Variants in DPF3 observed in about 807,000 individuals in gnomAD.
DPF3 encodes zinc finger protein DPF3.
In DPF3, 18 loss-of-function variants were observed where a neutral mutation model predicts 56.8. The observed-to-expected ratio is 0.32, with a 90% CI of 0.22 to 0.47. The LOEUF (loss-of-function observed/expected upper bound fraction) is 0.47, where lower values mean the gene tolerates loss of function less well. Among genes scored for constraint, DPF3 ranks in the 20% least tolerant of loss-of-function variants. The pLI, the probability that DPF3 is intolerant of heterozygous loss-of-function variation, is 1.00. For missense variants in DPF3, 403 were observed against 488.8 expected (o/e 0.82, Z 1.65); for synonymous variants, 188 against 180.2 (o/e 1.04, Z -0.35).
intron 1 of DPF3, among the ~76,000 whole-genome samples, chr14:72,773,527 G>A (rs941852019): frequency 2.6e-5 from 4 of 152,138 alleles, no homozygotes; most frequent in Non-Finnish European, 5.9e-5. Flanking sequence ...TTAAGCACAT[G>A]CATACTGTTG....
At chr14:72,666,258 C>T (rs1415000987) in intron 8 of DPF3, among the ~76,000 whole-genome samples, 2 of 152,186 alleles carry the variant, frequency 1.3e-5, no homozygotes, top group African/African-American at 4.8e-5. Context: ...AACTTTAGTT[C>T]TCCCAGAAAG....
chr14:72,722,328 T>C (rs1266864549), intron 5 of DPF3, among the ~76,000 whole-genome samples: 2 of 152,186 alleles, frequency 1.3e-5, no homozygotes, highest in African/African-American at 2.4e-5. Flanking sequence ...GCCCAGCCCC[T>C]GCACAGGCTG....
intron 1 of DPF3, among the ~76,000 whole-genome samples, chr14:72,811,928 A>G (rs1883063576): frequency 6.6e-6 from 1 of 152,060 alleles, no homozygotes; most frequent in Admixed American, 6.5e-5. Context: ...AGGGAGCTGC[A>G]GTAAAGTCTT....
chr14:72,655,700 G>C (rs1336422895), intron 8 of DPF3, among the ~76,000 whole-genome samples: 3 of 152,220 alleles, frequency 2.0e-5, no homozygotes, highest in Non-Finnish European at 4.4e-5. Flanking sequence ...AAAGGCTTGA[G>C]ACATTGCTTC....
chr14:72,643,253 T>A (rs1885613106), intron 8 of DPF3, among the ~76,000 whole-genome samples: 1 of 152,220 alleles, frequency 6.6e-6, no homozygotes, highest in Admixed American at 6.5e-5. Flanking sequence ...CAGGGCATGA[T>A]GAAATATGTC....
At chr14:72,692,240 T>A (rs1165920202) in intron 7 of DPF3, among the ~76,000 whole-genome samples, 1 of 152,178 alleles carries the variant, frequency 6.6e-6, no homozygotes, top group Non-Finnish European at 1.5e-5. Context: ...GAAAAACACA[T>A]GGCCTGTCCA....
rs1886886501 is a variant in DPF3 at position 72,894,047 on chromosome 14, TCTTA to T, written c.32+6_32+9del. 6.2e-7 allele frequency: 1 copy of T among 1,610,274 alleles called. No homozygotes were observed. The highest frequency in any genetic ancestry group is 8.5e-7 in the Non-Finnish European group (1 of 1,178,732). On this transcript the variant is annotated splice_donor_region_variant and intron_variant, in intron 1 of 10. Coordinates refer to ENST00000556509, the MANE Select transcript of DPF3 (RefSeq NM_001280542.3). ...CACGCGGAATATGTACATTTTTTAG[TCTTA>T]CTTACGCTTTCAGGGGGTTGTGAAT...
chr14:72,631,561 C>G (rs779082483), intron 8 of DPF3, among the ~76,000 whole-genome samples: 2 of 152,082 alleles, frequency 1.3e-5, no homozygotes, highest in Non-Finnish European at 2.9e-5. Context: ...GGTCATGGAG[C>G]TGATGCTCAT....
At chr14:72,793,385 G>T (rs41321953) in intron 1 of DPF3, among the ~76,000 whole-genome samples, 5,972 of 152,204 alleles carry the variant, frequency 0.039, 412 homozygotes, top group African/African-American at 0.13. Context: ...GAGGCTCACT[G>T]GTGGTAAATT....
In DPF3 at chr14:72,846,078, GTTTATTTTATTTTATTTTAT is replaced by G. The variant is rs58779335; in HGVS notation, c.32+47959_32+47978del. ...TAAGTAGCAGAGTTTTTATTTTACT[GTTTATTTTATTTTATTTTAT>G]TTTATTTTATTTTATTTTATTTTAT... On this transcript the variant is annotated intron_variant, in intron 1 of 10. Coordinates refer to ENST00000556509, the MANE Select transcript of DPF3 (RefSeq NM_001280542.3). Among the ~76,000 whole-genome samples the G allele has an allele frequency of 4.6e-3, 616 of 133,712 alleles. 2 individuals are homozygous for G. Among genetic ancestry groups the G allele is most frequent in the African/African-American group, 0.01 (373 of 36,010 alleles). The allele number at this position is 133,712 out of a possible 152,430, so 87.7% of individuals were successfully genotyped here.
Position 72,619,955 on chromosome 14 carries a change from G to A in DPF3, c.1014C>T (p.Asp338=). The A allele has an allele frequency of 6.5e-7, 1 of 1,535,410 alleles. No homozygotes were observed. The highest frequency in any genetic ancestry group is 8.7e-7 in the Non-Finnish European group (1 of 1,146,514). ...DDQLLFCDDC[D]RGYHMYCLNP... ...TTAAACAGTACATGTGATAGCCTCG[G>A]TCACAGTCATCGCAGAAGAGTAGCT... Residue 338 remains aspartate, a synonymous_variant, in exon 10 of 11, where the codon GAC becomes GAT. Coordinates refer to ENST00000556509, the MANE Select transcript of DPF3 (RefSeq NM_001280542.3).
chr14:72,734,181 A>C (rs1437751618), intron 3 of DPF3, among the ~76,000 whole-genome samples: 1 of 152,244 alleles, frequency 6.6e-6, no homozygotes, highest in African/African-American at 2.4e-5. Flanking sequence ...ACAGATAGTA[A>C]ATGCAAAATA....
intron 6 of DPF3, among the ~76,000 whole-genome samples, chr14:72,698,014 T>C (rs1434737373): frequency 1.3e-5 from 2 of 152,228 alleles, no homozygotes; most frequent in South Asian, 2.1e-4. Context: ...AGCTCTTTCC[T>C]CTGCCTAGAA....
chr14:72,794,735 T>C (rs951122539), intron 1 of DPF3, among the ~76,000 whole-genome samples: 2 of 152,148 alleles, frequency 1.3e-5, no homozygotes, highest in East Asian at 3.8e-4. Context: ...ACTTTGTAGT[T>C]TATGAAAACA....
chr14:72,880,662 TC>T (rs1421970746), intron 1 of DPF3, among the ~76,000 whole-genome samples: 2 of 152,100 alleles, frequency 1.3e-5, no homozygotes, highest in African/African-American at 4.8e-5. Flanking sequence ...GCTCGGGTGA[TC>T]CTCCCACCTT....
rs569799339 is a variant in DPF3, at chr14:72,710,951, T to C, written c.604+3472A>G. Among the ~76,000 whole-genome samples, 12 of 152,262 alleles carry C rather than the reference T, an allele frequency of 7.9e-5. No homozygotes were observed. In the East Asian group the frequency reaches 2.3e-3, roughly 29 times the overall value. On this transcript the variant is annotated intron_variant, in intron 6 of 10. Coordinates refer to ENST00000556509, the MANE Select transcript of DPF3 (RefSeq NM_001280542.3). The stretch of plus-strand genomic sequence containing the variant: ...TAACATTTCTCTGAGACGGAAGAAA[T>C]TCAATGACTGAGTAAAAGGCATCAA...
intron 8 of DPF3, among the ~76,000 whole-genome samples, chr14:72,648,341 C>G (rs759465034): frequency 2.6e-5 from 4 of 152,150 alleles, no homozygotes; most frequent in Non-Finnish European, 4.4e-5. Flanking sequence ...GCAGGCAGAT[C>G]ACTTGAGGTC....
intron 7 of DPF3, among the ~76,000 whole-genome samples, chr14:72,684,897 T>C (rs905491978): frequency 2.6e-5 from 4 of 152,162 alleles, no homozygotes; most frequent in Non-Finnish European, 4.4e-5. Context: ...ATGAAATTAG[T>C]GCCCTTATTA....
intron 1 of DPF3, among the ~76,000 whole-genome samples, chr14:72,874,474 G>A (rs1415175844): frequency 1.5e-4 from 22 of 150,188 alleles, no homozygotes; most frequent in South Asian, 4.2e-4. Context: ...GCAAGACTCC[G>A]TCTCCAAAAA....
Sources: allele counts gnomAD v4.1 joint callset (sites outside exome capture counted in the v4.1 genomes callset), GRCh38; gene constraint gnomAD v4.1.1; transcripts MANE v1.5; gene names NCBI Gene and HGNC (gene_info 2026-07-23, HGNC 2026-07-21).